Variants in QTMAN observed in about 807,000 individuals in gnomAD.
QTMAN encodes the protein queuosine-tRNA mannosyltransferase.
chr2:144,223,933 C>CCATCG, the QTMAN span, among the ~76,000 whole-genome samples: 3 of 152,152 alleles, frequency 2.0e-5, no homozygotes, highest in Non-Finnish European at 4.4e-5. Context: ...TAGTTTCCTT[C>CCATCG]CATCCTAAAG....
the QTMAN span, among the ~76,000 whole-genome samples, chr2:144,142,344 A>G: frequency 6.6e-6 from 1 of 151,930 alleles, no homozygotes; most frequent in Non-Finnish European, 1.5e-5. Flanking sequence ...ATTTTTCCAC[A>G]ATGCCAGGAA....
At chr2:144,311,783 T>C in the QTMAN span, among the ~76,000 whole-genome samples, 91 of 152,320 alleles carry the variant, frequency 6.0e-4, 3 homozygotes, top group South Asian at 0.018. Context: ...CACTTACACA[T>C]TTAAAGTACC....
At chr2:144,275,044 G>A in the QTMAN span, among the ~76,000 whole-genome samples, 1 of 151,950 alleles carries the variant, frequency 6.6e-6, no homozygotes, top group Non-Finnish European at 1.5e-5. Flanking sequence ...AGTGCTATAT[G>A]AGAATAAGAA....
At chr2:144,161,972 C>T in the QTMAN span, among the ~76,000 whole-genome samples, 1 of 152,164 alleles carries the variant, frequency 6.6e-6, no homozygotes, top group Non-Finnish European at 1.5e-5. Flanking sequence ...CTAGACACAA[C>T]ATGCCTTGCA....
chr2:143,993,431 C>T, the QTMAN span, among the ~76,000 whole-genome samples: 1 of 151,062 alleles, frequency 6.6e-6, no homozygotes, highest in East Asian at 1.9e-4. Context: ...GGGGACTTTG[C>T]AGATATGATT....
the QTMAN span, among the ~76,000 whole-genome samples, chr2:144,244,272 T>C: frequency 2.6e-5 from 4 of 152,140 alleles, no homozygotes; most frequent in African/African-American, 9.7e-5. Context: ...ACAACAACAT[T>C]GGGGAAGTTT....
At chr2:144,028,843 T>C in the QTMAN span, among the ~76,000 whole-genome samples, 1 of 152,218 alleles carries the variant, frequency 6.6e-6, no homozygotes, top group Non-Finnish European at 1.5e-5. Flanking sequence ...GTATTTTGCT[T>C]GCAACACTAG....
At chr2:144,065,637 G>A in the QTMAN span, among the ~76,000 whole-genome samples, 1 of 151,826 alleles carries the variant, frequency 6.6e-6, no homozygotes, top group African/African-American at 2.4e-5. Context: ...CTATCCCTTG[G>A]TACCTTCCTT....
the QTMAN span, among the ~76,000 whole-genome samples, chr2:143,980,408 T>C: frequency 6.6e-6 from 1 of 152,216 alleles, no homozygotes; most frequent in Non-Finnish European, 1.5e-5. Flanking sequence ...TTCATGTCTG[T>C]TACATTGTAA....
At chr2:144,214,373 A>C in the QTMAN span, among the ~76,000 whole-genome samples, 1 of 152,206 alleles carries the variant, frequency 6.6e-6, no homozygotes. Flanking sequence ...CAAAGTAATA[A>C]TTTTGCAGTC....
At chr2:144,174,989 T>C in the QTMAN span, among the ~76,000 whole-genome samples, 2 of 152,188 alleles carry the variant, frequency 1.3e-5, no homozygotes, top group Non-Finnish European at 2.9e-5. Flanking sequence ...TGTGACCATG[T>C]AGATATAATC....
chr2:144,267,714 GA>G, the QTMAN span, among the ~76,000 whole-genome samples: 37 of 152,332 alleles, frequency 2.4e-4, no homozygotes, highest in Non-Finnish European at 3.8e-4. Context: ...AAAATCTCCT[GA>G]AAGTTATATT....
At chr2:144,273,698 G>A in the QTMAN span, among the ~76,000 whole-genome samples, 8 of 152,144 alleles carry the variant, frequency 5.3e-5, no homozygotes, top group East Asian at 1.9e-4. Flanking sequence ...ATTACTGGAT[G>A]TAACCATTTA....
At chr2:144,203,396 T>A in the QTMAN span, among the ~76,000 whole-genome samples, 1 of 151,950 alleles carries the variant, frequency 6.6e-6, no homozygotes, top group African/African-American at 2.4e-5. Context: ...CAGAAGAAAC[T>A]CCAGTGAGAT....
the QTMAN span, among the ~76,000 whole-genome samples, chr2:143,981,418 A>G: frequency 6.6e-6 from 1 of 152,200 alleles, no homozygotes; most frequent in Non-Finnish European, 1.5e-5. Context: ...TCAATTCTTA[A>G]TAACAGGTTT....
At chr2:144,133,396 TATAAATATA>T in the QTMAN span, among the ~76,000 whole-genome samples, 1 of 45,188 alleles carries the variant, frequency 2.2e-5, no homozygotes, top group Admixed American at 4.0e-4. Flanking sequence ...ATATATATTA[TATAAATATA>T]ATATATTATA....
At chr2:143,968,738 T>G in the QTMAN span, among the ~76,000 whole-genome samples, 3 of 152,174 alleles carry the variant, frequency 2.0e-5, no homozygotes, top group Non-Finnish European at 4.4e-5. Flanking sequence ...GCAAATGAGC[T>G]GATCTTTTCT....
the QTMAN span, among the ~76,000 whole-genome samples, chr2:144,332,883 C>G: frequency 6.6e-6 from 1 of 152,360 alleles, no homozygotes; most frequent in African/African-American, 2.4e-5. Context: ...GTCACCTTCT[C>G]TTTCCTTCTG....
chr2:144,284,080 T>A, the QTMAN span, among the ~76,000 whole-genome samples: 1 of 152,084 alleles, frequency 6.6e-6, no homozygotes, highest in Admixed American at 6.5e-5. Context: ...AGGATACTTT[T>A]AACTGTCAAA....
Sources: allele counts gnomAD v4.1 joint callset (sites outside exome capture counted in the v4.1 genomes callset), GRCh38; gene constraint gnomAD v4.1.1; transcripts MANE v1.5; gene names NCBI Gene and HGNC (gene_info 2026-07-23, HGNC 2026-07-21).